The following CFAP77 variants were observed in gnomAD, a reference collection of about 807,000 sequenced individuals.
The protein encoded by CFAP77 is cilia and flagella associated protein 77, also known as cilia- and flagella-associated protein 77.
CFAP77 carries 25 observed loss-of-function variants against 31.1 expected under a neutral mutation model. The ratio of observed to expected loss-of-function variants is 0.80; its 90% confidence interval spans 0.59 to 1.12. The LOEUF (loss-of-function observed/expected upper bound fraction) is 1.12. Ranked by LOEUF, CFAP77 falls within the 50% of genes most tolerant of loss-of-function variation. CFAP77 has a pLI of 0.00. For synonymous variants in CFAP77, 151 were observed against 159.9 expected, an observed-to-expected ratio of 0.94 and a Z score of 0.42; for missense variants, 377 against 397.3, an observed-to-expected ratio of 0.95 and a Z score of 0.44.
At chr9:132,438,519 G>GTATATATATATATA (rs34631762) in intron 1 of CFAP77, among the ~76,000 whole-genome samples, 6 of 116,700 alleles carry the variant, frequency 5.1e-5, no homozygotes, top group Admixed American at 1.9e-4. Context: ...AACAGATATG[G>GTATATATATATATA]TATATATATA....
At chr9:132,500,753 G>T (rs1851827776) in intron 3 of CFAP77, among the ~76,000 whole-genome samples, 1 of 152,172 alleles carries the variant, frequency 6.6e-6, no homozygotes. Context: ...TTAGATGACT[G>T]GCACGCATGT....
intron 1 of CFAP77, among the ~76,000 whole-genome samples, chr9:132,468,796 C>T (rs1486714662): frequency 6.9e-6 from 1 of 145,924 alleles, no homozygotes; most frequent in Non-Finnish European, 1.5e-5. Flanking sequence ...CACACGCACA[C>T]ACACACACAC....
intron 1 of CFAP77, among the ~76,000 whole-genome samples, chr9:132,444,962 TTTTC>T (rs1250303253): frequency 6.7e-6 from 1 of 150,084 alleles, no homozygotes; most frequent in African/African-American, 2.5e-5. Context: ...CACTGTCCTA[TTTTC>T]TTTCTTTCTT....
At chr9:132,428,089 C>T (rs1463616286) in intron 1 of CFAP77, among the ~76,000 whole-genome samples, 1 of 151,830 alleles carries the variant, frequency 6.6e-6, no homozygotes, top group African/African-American at 2.4e-5. Context: ...GCCTTGACCT[C>T]CTGGCTCAAG....
intron 3 of CFAP77, among the ~76,000 whole-genome samples, chr9:132,510,475 T>C (rs1455998584): frequency 6.6e-6 from 1 of 152,182 alleles, no homozygotes; most frequent in East Asian, 1.9e-4. Flanking sequence ...ACGGAGGAGA[T>C]GGTGCTGCTG....
rs1554742544 is a variant in CFAP77 at position 132,486,016 on chromosome 9, A to ATATATATATATGTATG, written c.196-12668_196-12667insGTATGTATATATATAT. 9.2e-3 allele frequency among the ~76,000 whole-genome samples: 151 copies of ATATATATATATGTATG among 16,336 alleles called. 3 individuals are homozygous for ATATATATATATGTATG. The highest frequency in any genetic ancestry group is 0.026 in the Middle Eastern group (1 of 38). The allele number at this position is 16,336 out of a possible 152,430, so 10.7% of individuals were successfully genotyped here. The stretch of plus-strand genomic sequence containing the variant: ...TATATATATATATATATATATATAT[A>ATATATATATATGTATG]TATATATATATATATATATATATAT... On this transcript the variant is annotated intron_variant, in intron 1 of 5. Transcript: ENST00000393216.
rs116138113 is a variant in CFAP77 at position 132,516,444 on chromosome 9, C to A, written c.524+16844C>A. ...GGTTTCTTGTCGGGATGAAATGATG[C>A]GGTCCCTGGAACTTGAGTGCAGTGT... On this transcript the variant is annotated intron_variant, in intron 3 of 5. Transcript: ENST00000393216. Among the ~76,000 whole-genome samples the A allele has an allele frequency of 5.8e-3, 878 of 152,162 alleles. 12 individuals are homozygous for A. The highest frequency in any genetic ancestry group is 0.02 in the African/African-American group (842 of 41,502).
At chr9:132,423,815 G>T (rs1290935386) in intron 1 of CFAP77, among the ~76,000 whole-genome samples, 1 of 152,248 alleles carries the variant, frequency 6.6e-6, no homozygotes, top group Admixed American at 6.5e-5. Flanking sequence ...GGGGCTGGCA[G>T]TGTGGCCTGA....
chr9:132,451,525 G>A (rs1305322285), intron 1 of CFAP77, among the ~76,000 whole-genome samples: 1 of 152,084 alleles, frequency 6.6e-6, no homozygotes, highest in Non-Finnish European at 1.5e-5. Context: ...GTGTGTCTGT[G>A]TGTACAGGAG....
chr9:132,497,718 C>G lies in CFAP77; in HGVS notation c.196-977C>G, dbSNP rs982422120. Among the ~76,000 whole-genome samples, 1 of 152,118 alleles carries G rather than the reference C, an allele frequency of 6.6e-6. No homozygotes were observed. Among genetic ancestry groups the G allele is most frequent in the African/African-American group, 2.4e-5 (1 of 41,426 alleles). On this transcript the variant is annotated intron_variant, in intron 1 of 5. Coordinates refer to ENST00000393216, the MANE Select transcript of CFAP77 (RefSeq NM_001282957.2). The surrounding 1 kb of genome is among the most constrained non-coding windows in gnomAD (Gnocchi z 4.9). ...CTGAGAAACGGGGATGGTAATGAGA[C>G]CTGCCTCACTGCGCAGCTATGCAGA...
chr9:132,427,563 C>G (rs926970512), intron 1 of CFAP77, among the ~76,000 whole-genome samples: 1 of 152,032 alleles, frequency 6.6e-6, no homozygotes, highest in Non-Finnish European at 1.5e-5. Flanking sequence ...TGCAGTGAGC[C>G]GAGATCACGC....
chr9:132,572,596 T>C lies in CFAP77; in HGVS notation c.*86T>C. 7.5e-7 allele frequency: 1 copy of C among 1,336,924 alleles called. No individual in the cohort carries two copies. Among genetic ancestry groups the C allele is most frequent in the Non-Finnish European group, 1.0e-6 (1 of 986,204 alleles). The allele number at this position is 1,336,924 out of a possible 1,614,324, so 82.8% of individuals were successfully genotyped here. A position where few individuals can be genotyped will look rare whatever the true frequency, so the allele number is the denominator to read the frequency against. On this transcript the variant is annotated 3_prime_UTR_variant, in exon 6 of 6. Transcript: ENST00000393216. ...CCCTATCTTGCCCCAACCCTGACAT[T>C]CCCCCATTTTTATGCAGGTTCTGCT...
intron 5 of CFAP77, among the ~76,000 whole-genome samples, chr9:132,562,926 C>T (rs1399834458): frequency 3.9e-5 from 6 of 152,074 alleles, no homozygotes; most frequent in African/African-American, 1.4e-4. Context: ...TCTCAAACTC[C>T]TGACCTCGTG....
intron 3 of CFAP77, among the ~76,000 whole-genome samples, chr9:132,525,963 A>G (rs1364248723): frequency 6.6e-6 from 1 of 152,096 alleles, no homozygotes; most frequent in Non-Finnish European, 1.5e-5. Flanking sequence ...TCTGATCTAT[A>G]GCTTGTCTTT....
intron 1 of CFAP77, among the ~76,000 whole-genome samples, chr9:132,482,063 A>T (rs1851457117): frequency 6.6e-6 from 1 of 152,114 alleles, no homozygotes; most frequent in African/African-American, 2.4e-5. Context: ...TAGAGTAACC[A>T]AACAGAATGA....
intron 1 of CFAP77, among the ~76,000 whole-genome samples, chr9:132,411,127 C>T (rs914787993): frequency 6.6e-6 from 1 of 152,232 alleles, no homozygotes; most frequent in African/African-American, 2.4e-5. Context: ...GCCTCGCTTC[C>T]CGCTGATGGG....
intron 4 of CFAP77, 76 bp downstream of exon 4, chr9:132,537,782 C>T (rs376261423): frequency 4.1e-5 from 43 of 1,056,982 alleles, no homozygotes; most frequent in South Asian, 1.9e-4. Context: ...GGCCAAGCAT[C>T]GAGATGACAC....
chr9:132,471,990 G>A (rs144498279), intron 1 of CFAP77, among the ~76,000 whole-genome samples: 3 of 152,290 alleles, frequency 2.0e-5, no homozygotes, highest in Non-Finnish European at 4.4e-5. Flanking sequence ...TGGATTACAG[G>A]TGTGAGCCAC....
At chr9:132,464,051 C>A (rs1851108706) in intron 1 of CFAP77, among the ~76,000 whole-genome samples, 1 of 151,772 alleles carries the variant, frequency 6.6e-6, no homozygotes, top group Admixed American at 6.5e-5. Context: ...CGCATCACAA[C>A]CTGCTGTGCT....
Sources: gnomAD v4.1 joint callset for allele counts (sites outside exome capture counted in the v4.1 genomes callset) on GRCh38, gnomAD v4.1.1 for gene constraint, Gnocchi (gnomAD v3.1) non-coding constraint, MANE v1.5 for transcripts, NCBI Gene and HGNC (gene_info 2026-07-23, HGNC 2026-07-21) for gene names.